Variants in SEMA4A observed in about 807,000 individuals in gnomAD.
The protein encoded by SEMA4A is semaphorin 4A.
Under a neutral mutation model 72.5 loss-of-function variants are expected in SEMA4A, and 52 were observed. The observed-to-expected ratio is 0.72, with a 90% CI of 0.57 to 0.90. The LOEUF (loss-of-function observed/expected upper bound fraction) is 0.90, where lower values mean the gene tolerates loss of function less well. Ranked by LOEUF, SEMA4A falls within the 40% of genes least tolerant of loss-of-function variation. The probability of loss-of-function intolerance (pLI) is 0.00; values close to 1 mark genes in which losing one functional copy is unlikely to be tolerated. For synonymous variants in SEMA4A, 369 were observed against 393.1 expected, an observed-to-expected ratio of 0.94 and a Z score of 0.73; for missense variants, 926 against 959.7, an observed-to-expected ratio of 0.96 and a Z score of 0.46.
intron 7 of SEMA4A, 74 bp downstream of exon 7, chr1:156,160,633 C>A: frequency 3.0e-6 from 4 of 1,342,596 alleles, no homozygotes; most frequent in South Asian, 1.2e-5. Flanking sequence ...CTTTCATTTG[C>A]GGAAGGTACA....
Position 156,175,383 on chromosome 1 carries a change from A to C in SEMA4A, c.1592+140A>C, listed in dbSNP as rs1328648493. 2.4e-6 allele frequency: 3 copies of C among 1,227,608 alleles called. No homozygotes were observed. The East Asian group carries it at 7.0e-5, about 29-fold the overall frequency. 76.0% of individuals were successfully genotyped at this position (1,227,608 alleles called of 1,614,324 possible). ...CTCCCATCCTGCAGTGGGTTCCTCCAGGGATGGAGTTTCCAGGCAGTTTTG... is the reference window on the plus strand; with the variant it reads ...CTCCCATCCTGCAGTGGGTTCCTCCCGGGATGGAGTTTCCAGGCAGTTTTG... On this transcript the variant is annotated intron_variant, in intron 13 of 14. Transcript: ENST00000368285.
At chr1:156,155,988 G>A (rs1393427351) in intron 2 of SEMA4A, 1 of 260,956 alleles carries the variant, frequency 3.8e-6, no homozygotes, top group Non-Finnish European at 7.7e-6. Context: ...TGGTTGGGGG[G>A]ATGGCGAGAG....
rs1655437700 is a variant in SEMA4A at position 156,177,164 on chromosome 1, A to G, written c.*167A>G. On this transcript the variant is annotated 3_prime_UTR_variant, in exon 15 of 15. Transcript: ENST00000368285. ...GATGACACTCAGCAGGGTGATGCAC[A>G]GCAGTCTGCCTCCCCTATGGGACTC... 2.8e-6 allele frequency: 2 copies of G among 711,884 alleles called. No homozygotes were observed. Among genetic ancestry groups the G allele is most frequent in the African/African-American group, 1.7e-5 (1 of 57,444 alleles). 44.1% of individuals were successfully genotyped at this position (711,884 alleles called of 1,614,324 possible).
intron 14 of SEMA4A, 149 bp downstream of exon 14, chr1:156,175,805 A>T: frequency 1.5e-6 from 1 of 682,612 alleles, no homozygotes; most frequent in Non-Finnish European, 2.7e-6. Flanking sequence ...GGTCCTGGCT[A>T]TAGGGAAGAG....
Position 156,161,425 on chromosome 1 carries a change from G to A in SEMA4A, c.890G>A (p.Gly297Glu), listed in dbSNP as rs1653645250. The A allele has an allele frequency of 2.5e-6, 4 of 1,601,150 alleles. No individual in the cohort carries two copies. Among genetic ancestry groups the A allele is most frequent in the Non-Finnish European group, 2.6e-6 (3 of 1,171,732 alleles). Residue 297 changes from glycine to glutamate, a missense_variant, in exon 9 of 15, where the codon GGG becomes GAG. Physicochemically the swap from Gly to Glu is moderately conservative, Grantham distance 98. Transcript: ENST00000368285. ...LKAQLLCTQPGQLPFNVIRHA... is the reference protein window; with the variant it reads ...LKAQLLCTQPEQLPFNVIRHA... ...GCCCAGCTGCTCTGCACCCAGCCGGGGCAGCTGCCCTTCAACGTCATCCGC... is the reference window on the plus strand; with the variant it reads ...GCCCAGCTGCTCTGCACCCAGCCGGAGCAGCTGCCCTTCAACGTCATCCGC...
At chr1:156,173,859 C>T (rs1655047648) in intron 11 of SEMA4A, among the ~76,000 whole-genome samples, 1 of 152,118 alleles carries the variant, frequency 6.6e-6, no homozygotes, top group Admixed American at 6.5e-5. Flanking sequence ...CCTGTAATCC[C>T]AGCACTTTGG....
chr1:156,167,646 G>T (rs936993776), intron 10 of SEMA4A, among the ~76,000 whole-genome samples: 3 of 152,050 alleles, frequency 2.0e-5, no homozygotes, highest in Non-Finnish European at 4.4e-5. Flanking sequence ...CCTGTAAATT[G>T]TTCAGTAGTT....
intron 6 of SEMA4A, 113 bp from the exon 7 acceptor site, chr1:156,160,319 GTGCAGAACTGA>G: frequency 1.3e-6 from 1 of 785,796 alleles, no homozygotes; most frequent in Non-Finnish European, 2.3e-6. Context: ...CCCCAGGAAG[GTGCAGAACTGA>G]TGCAGGGCCC....
At chr1:156,163,976 G>C (rs1325875632) in intron 10 of SEMA4A, among the ~76,000 whole-genome samples, 1 of 149,472 alleles carries the variant, frequency 6.7e-6, no homozygotes, top group Non-Finnish European at 1.5e-5. Flanking sequence ...GCTGCAGTAA[G>C]CTATGATCAC....
chr1:156,167,019 G>T (rs1349720042), intron 10 of SEMA4A, among the ~76,000 whole-genome samples: 5 of 151,796 alleles, frequency 3.3e-5, no homozygotes, highest in African/African-American at 1.2e-4. Flanking sequence ...TCCTACCTCA[G>T]CCTCCTGAGT....
intron 10 of SEMA4A, among the ~76,000 whole-genome samples, chr1:156,165,618 C>G (rs988731534): frequency 2.6e-5 from 4 of 152,016 alleles, no homozygotes; most frequent in African/African-American, 9.7e-5. Flanking sequence ...TGATCCCTAG[C>G]CCTCTGAATG....
Position 156,176,465 on chromosome 1 carries a change from C to G in SEMA4A, c.1754C>G (p.Ala585Gly). Residue 585 changes from alanine (A) to glycine (G), a missense_variant, in exon 15 of 15, where the codon GCC (alanine) becomes GGC (glycine). Ala to Gly is a moderately conservative substitution (Grantham distance 60). Coordinates refer to ENST00000368285, the MANE Select transcript of SEMA4A (RefSeq NM_022367.4). Reference sequence around the variant, plus strand: ...GAGCTCCCCTGCCCCCACCTGTCAGCCTTGGCCTCTTATTATTGGAGTCAT... The same window carrying G: ...GAGCTCCCCTGCCCCCACCTGTCAGGCTTGGCCTCTTATTATTGGAGTCAT... ...ILELPCPHLS[A>G]LASYYWSHGP... 5.0e-6 allele frequency: 8 copies of G among 1,614,190 alleles called. No homozygotes were observed. The highest frequency in any genetic ancestry group is 1.3e-5 in the African/African-American group (1 of 75,040).
chr1:156,154,949 G>A (rs1459619633), intron 2 of SEMA4A: 7 of 576,172 alleles, frequency 1.2e-5, no homozygotes, highest in African/African-American at 9.3e-5. Flanking sequence ...AGGTGGCCAC[G>A]GGGCCAGGGG....
At chr1:156,151,104 C>A (rs1652499698), upstream of SEMA4A, among the ~76,000 whole-genome samples, 1 of 152,198 alleles carries the variant, frequency 6.6e-6, no homozygotes, top group Admixed American at 6.5e-5. Context: ...GTCTGAGTAC[C>A]CTGTCAGCCC....
In SEMA4A at chr1:156,177,023, G is replaced by T. The variant is rs41265021; in HGVS notation, c.*26G>T. 29 of 1,595,854 alleles carry T rather than the reference G, an allele frequency of 1.8e-5. No individual in the cohort carries two copies. The highest frequency in any genetic ancestry group is 2.5e-5 in the Non-Finnish European group (29 of 1,174,438). ...ACTCTAGGCACAGGCCGGGGCTGCGGTGCAGGCACCTGGCCATGCTGGCTG... is the reference window on the plus strand; with the variant it reads ...ACTCTAGGCACAGGCCGGGGCTGCGTTGCAGGCACCTGGCCATGCTGGCTG... On this transcript the variant is annotated 3_prime_UTR_variant, in exon 15 of 15. Coordinates refer to ENST00000368285, the MANE Select transcript of SEMA4A (RefSeq NM_022367.4).
In SEMA4A at chr1:156,157,048, A is replaced by C. The variant is rs943085030; in HGVS notation, c.300+474A>C. Among the ~76,000 whole-genome samples the C allele has an allele frequency of 2.6e-5, 4 of 152,060 alleles. No homozygotes were observed. The highest frequency in any genetic ancestry group is 2.6e-4 in the Admixed American group (4 of 15,264). ...CACCCGGCCTGTGACTTCACTCTTC[A>C]CTGGTATTGTGAATAGTGATTGAAT... On this transcript the variant is annotated intron_variant, in intron 3 of 14. Transcript: ENST00000368285. This position sits in a 1 kb window ranked among gnomAD's most constrained non-coding sequence, Gnocchi z 4.5.
In SEMA4A at chr1:156,154,673, G is replaced by T. The variant is rs577740555; in HGVS notation, c.95G>T (p.Gly32Val). ...CTGCTGCTGCCGACGACGACCGCGG[G>T]GGGAGGCGGGCAGGGGCCCATGCCC... ...LQLLLPTTTA[G>V]GGGQGPMPRV... The change falls in exon 2 of 15, where the codon GGG becomes GTG. Residue 32 changes from glycine (G) to valine (V), a missense_variant. By Grantham distance (109) the Gly-to-Val change is moderately radical. Transcript: ENST00000368285. 5.3e-5 allele frequency: 85 copies of T among 1,599,936 alleles called. No individual in the cohort carries two copies. Among genetic ancestry groups the T allele is most frequent in the African/African-American group, 3.1e-4 (23 of 75,012 alleles).
chr1:156,165,942 T>C (rs1654117172), intron 10 of SEMA4A, among the ~76,000 whole-genome samples: 2 of 142,470 alleles, frequency 1.4e-5, no homozygotes, highest in South Asian at 4.5e-4. Flanking sequence ...AGTCTTGCTG[T>C]GTCCCCCAGG....
At chr1:156,150,575 C>G (rs1299075788), upstream of SEMA4A, among the ~76,000 whole-genome samples, 2 of 152,060 alleles carry the variant, frequency 1.3e-5, no homozygotes, top group African/African-American at 4.8e-5. Context: ...TGCCAGATCA[C>G]TCGTGAAGCC....
Sources: gnomAD v4.1 joint callset for allele counts (sites outside exome capture counted in the v4.1 genomes callset) on GRCh38, gnomAD v4.1.1 for gene constraint, Gnocchi (gnomAD v3.1) non-coding constraint, MANE v1.5 for transcripts, NCBI Gene and HGNC (gene_info 2026-07-23, HGNC 2026-07-21) for gene names.